CNTN4: variants seen among roughly 807,000 people sequenced by gnomAD.
CNTN4 encodes the protein contactin 4.
Under a neutral mutation model 122.5 loss-of-function variants are expected in CNTN4, and 77 were observed. That is an observed-to-expected ratio of 0.63 (90% CI 0.52 to 0.76). The LOEUF (loss-of-function observed/expected upper bound fraction) is 0.76. CNTN4 is among the 30% of genes least tolerant of loss of function. The pLI, the probability that CNTN4 is intolerant of heterozygous loss-of-function variation, is 0.00. For missense variants in CNTN4, 1,256 were observed against 1,259.1 expected, an observed-to-expected ratio of 1.00 and a Z score of 0.04; for synonymous variants, 512 against 447.0, an observed-to-expected ratio of 1.15 and a Z score of -1.83.
chr3:2,127,821 T>A (rs2034252820), intron 2 of CNTN4, among the ~76,000 whole-genome samples: 1 of 152,142 alleles, frequency 6.6e-6, no homozygotes, highest in African/African-American at 2.4e-5. Flanking sequence ...AACCTTTAAG[T>A]CATGCACCAA....
At chr3:2,973,495 A>C (rs138922266) in intron 13 of CNTN4, among the ~76,000 whole-genome samples, 25 of 152,106 alleles carry the variant, frequency 1.6e-4, no homozygotes, top group African/African-American at 5.8e-4. Flanking sequence ...GCATAGCTTC[A>C]TTTTGGGGGA....
At chr3:2,141,872 C>G (rs2035013618) in intron 2 of CNTN4, among the ~76,000 whole-genome samples, 1 of 152,134 alleles carries the variant, frequency 6.6e-6, no homozygotes, top group African/African-American at 2.4e-5. Context: ...ACAGTTGCAT[C>G]CATTTTATGA....
intron 13 of CNTN4, among the ~76,000 whole-genome samples, chr3:2,961,272 A>G (rs1301175813): frequency 6.8e-6 from 1 of 148,116 alleles, no homozygotes; most frequent in Non-Finnish European, 1.5e-5. Flanking sequence ...TATTGAATGA[A>G]GAGGAGACAA....
chr3:2,101,554 T>TA (rs74548737), intron 2 of CNTN4, among the ~76,000 whole-genome samples: 11,796 of 152,206 alleles, frequency 0.078, 734 homozygotes, highest in African/African-American at 0.17. Flanking sequence ...CACACTGATT[T>TA]TTTTTGTTCC....
chr3:2,469,888 A>G (rs1234572456), intron 3 of CNTN4, among the ~76,000 whole-genome samples: 1 of 152,186 alleles, frequency 6.6e-6, no homozygotes, highest in Non-Finnish European at 1.5e-5. Flanking sequence ...CTGCTTATGA[A>G]TTTTGCAGGA....
intron 4 of CNTN4, among the ~76,000 whole-genome samples, chr3:2,729,019 T>C (rs2088442275): frequency 1.3e-5 from 2 of 152,212 alleles, no homozygotes; most frequent in East Asian, 3.9e-4. Context: ...ACCACAGCAA[T>C]GACAAGTAGA....
At chr3:2,822,068 C>G (rs1382664234) in intron 7 of CNTN4, among the ~76,000 whole-genome samples, 1 of 152,182 alleles carries the variant, frequency 6.6e-6, no homozygotes, top group East Asian at 1.9e-4. Flanking sequence ...AGGTTCCCCT[C>G]TATGTCTGGA....
At chr3:2,466,211 A>G (rs2075490945) in intron 3 of CNTN4, among the ~76,000 whole-genome samples, 3 of 152,248 alleles carry the variant, frequency 2.0e-5, no homozygotes, top group Admixed American at 2.0e-4. Flanking sequence ...TATTAGGGCC[A>G]TTAGAATTTT....
chr3:2,244,651 A>G (rs1202028919), intron 2 of CNTN4, among the ~76,000 whole-genome samples: 1 of 152,032 alleles, frequency 6.6e-6, no homozygotes, highest in East Asian at 1.9e-4. Flanking sequence ...CAAACTGCAT[A>G]TGTGTCTTGC....
intron 14 of CNTN4, among the ~76,000 whole-genome samples, chr3:2,994,303 T>G (rs1695325853): frequency 6.6e-6 from 1 of 152,158 alleles, no homozygotes; most frequent in South Asian, 2.1e-4. Flanking sequence ...TCTTTTGGCT[T>G]TTCTGTTTAT....
chr3:2,338,509 A>C (rs911394031), intron 2 of CNTN4, among the ~76,000 whole-genome samples: 1 of 152,012 alleles, frequency 6.6e-6, no homozygotes, highest in Non-Finnish European at 1.5e-5. Flanking sequence ...CAAAGAAGTG[A>C]TCTATAGCAG....
At chr3:2,714,090 T>C (rs930028031) in intron 4 of CNTN4, among the ~76,000 whole-genome samples, 1 of 152,138 alleles carries the variant, frequency 6.6e-6, no homozygotes, top group South Asian at 2.1e-4. Flanking sequence ...GCACTAGCAA[T>C]CTAGTAATTA....
chr3:2,714,615 G>T (rs762036894), intron 4 of CNTN4, among the ~76,000 whole-genome samples: 55 of 152,212 alleles, frequency 3.6e-4, no homozygotes, highest in Non-Finnish European at 5.7e-4. Context: ...TTATAGGCAA[G>T]CAGTACTCAA....
intron 3 of CNTN4, among the ~76,000 whole-genome samples, chr3:2,505,451 C>G (rs910813407): frequency 2.0e-5 from 3 of 152,140 alleles, no homozygotes; most frequent in Non-Finnish European, 4.4e-5. Context: ...ATAGTCCTAT[C>G]CAAACTTAAT....
At chr3:2,944,506 T>C (rs1399201905) in intron 13 of CNTN4, among the ~76,000 whole-genome samples, 1 of 152,160 alleles carries the variant, frequency 6.6e-6, no homozygotes, top group East Asian at 1.9e-4. Context: ...CATAGAACCA[T>C]TTTGTATTTA....
At chr3:2,514,563 A>G (rs55897024) in intron 3 of CNTN4, among the ~76,000 whole-genome samples, 23,857 of 152,174 alleles carry the variant, frequency 0.16, 2,228 homozygotes, top group African/African-American at 0.27. Context: ...TCAAGCCTTA[A>G]CTGTGCATTG....
chr3:2,672,981 A>G (rs532487458), intron 4 of CNTN4, among the ~76,000 whole-genome samples: 10 of 152,306 alleles, frequency 6.6e-5, no homozygotes, highest in Non-Finnish European at 1.3e-4. Context: ...AACTACAATA[A>G]TAGATATTCA....
intron 2 of CNTN4, among the ~76,000 whole-genome samples, chr3:2,268,472 C>A (rs530102479): frequency 6.6e-6 from 1 of 150,930 alleles, no homozygotes; most frequent in South Asian, 2.1e-4. Flanking sequence ...TTTTAAGCTC[C>A]TTGGGAGCAG....
intron 3 of CNTN4, among the ~76,000 whole-genome samples, chr3:2,540,069 TTGTGTGTG>T (rs35310430): frequency 2.0e-5 from 3 of 148,960 alleles, no homozygotes; most frequent in South Asian, 2.1e-4. Context: ...TTCATCAGTG[TTGTGTGTG>T]TGTGTGTGTG....
Sources: allele counts gnomAD v4.1 joint callset (sites outside exome capture counted in the v4.1 genomes callset), GRCh38; gene constraint gnomAD v4.1.1; transcripts MANE v1.5; gene names NCBI Gene and HGNC (gene_info 2026-07-23, HGNC 2026-07-21).